The following TOP1 variants were observed in gnomAD, a reference collection of about 807,000 sequenced individuals.
TOP1 encodes DNA topoisomerase I, also known as DNA topoisomerase 1.
A neutral mutation model predicts 111.1 loss-of-function variants in TOP1; 10 were observed. That is an observed-to-expected ratio of 0.09 (90% confidence interval 0.06 to 0.15). The LOEUF is 0.15. TOP1 is among the 10% of genes least tolerant of loss of function. The pLI is 1.00. For missense variants in TOP1, 474 were observed against 926.7 expected, an observed-to-expected ratio of 0.51 and a Z score of 6.34; for synonymous variants, 271 against 302.9, an observed-to-expected ratio of 0.89 and a Z score of 1.10.
At chr20:41,117,242 AC>A (rs2034344318) in intron 17 of TOP1, among the ~76,000 whole-genome samples, 1 of 151,934 alleles carries the variant, frequency 6.6e-6, no homozygotes, top group South Asian at 2.1e-4. Flanking sequence ...CATCCCAGCT[AC>A]CTGGGAGGCT....
intron 8 of TOP1, among the ~76,000 whole-genome samples, chr20:41,090,226 G>A (rs560114620): frequency 9.9e-5 from 15 of 151,902 alleles, no homozygotes; most frequent in South Asian, 4.2e-4. Flanking sequence ...CCCTCCGCCC[G>A]CTTTGGCCTC....
intron 4 of TOP1, 128 bp downstream of exon 4, chr20:41,076,422 T>C: frequency 1.5e-6 from 2 of 1,308,946 alleles, no homozygotes; most frequent in Non-Finnish European, 2.1e-6. Flanking sequence ...CAGGAGAATT[T>C]AGAGCAAACT....
At position 41,123,418 on chromosome 20, in the gene TOP1, A is replaced by G; in HGVS notation, c.*121A>G. 1.6e-6 allele frequency: 1 copy of G among 639,554 alleles called. No homozygotes were observed. 39.6% of individuals were successfully genotyped at this position (639,554 alleles called of 1,614,324 possible). On this transcript the variant is annotated 3_prime_UTR_variant, in exon 21 of 21. Coordinates refer to ENST00000361337, the MANE Select transcript of TOP1 (RefSeq NM_003286.4). The surrounding 1 kb of genome is among the most constrained non-coding windows in gnomAD (Gnocchi z 5.8). ...AGGCAGCAAGTCTTAACAAACCAAC[A>G]TCTTTGCGAAAAGATAAACCTGGAG...
intron 3 of TOP1, among the ~76,000 whole-genome samples, chr20:41,066,664 C>T (rs1311127441): frequency 6.6e-6 from 1 of 150,678 alleles, no homozygotes; most frequent in Non-Finnish European, 1.5e-5. Context: ...ATGCCATTCT[C>T]CTGCCTCAGC....
intron 8 of TOP1, among the ~76,000 whole-genome samples, chr20:41,088,493 ACT>A (rs1568692024): frequency 6.6e-6 from 1 of 152,110 alleles, no homozygotes; most frequent in Non-Finnish European, 1.5e-5. Flanking sequence ...ACAGAGCGAG[ACT>A]CTGTCTCAAA....
intron 8 of TOP1, among the ~76,000 whole-genome samples, chr20:41,089,017 G>GTTTTTTTTTTTTTTT (rs1290740653): frequency 2.2e-4 from 15 of 69,246 alleles, no homozygotes; most frequent in East Asian, 7.7e-4. Context: ...TGTTGCCCCA[G>GTTTTTTTTTTTTTTT]TTCTTTTTTT....
rs1208269363 is a variant in TOP1 at position 41,034,549 on chromosome 20, T to C, written c.58+5094T>C. 6.6e-6 allele frequency among the ~76,000 whole-genome samples: 1 copy of C among 152,178 alleles called. No individual in the cohort carries two copies. Among genetic ancestry groups the C allele is most frequent in the Non-Finnish European group, 1.5e-5 (1 of 68,032 alleles). On this transcript the variant is annotated intron_variant, in intron 2 of 20. Coordinates refer to ENST00000361337, the MANE Select transcript of TOP1 (RefSeq NM_003286.4). The surrounding 1 kb of genome is among the most constrained non-coding windows in gnomAD (Gnocchi z 4.0). ...TGATTGGGGGTTGCGGGGAAGCTTG[T>C]AGAGGAATGTCTGTTAGATATTGAT...
chr20:41,037,032 G>A (rs551683197), intron 2 of TOP1, among the ~76,000 whole-genome samples: 2 of 152,024 alleles, frequency 1.3e-5, no homozygotes, highest in Non-Finnish European at 2.9e-5. Flanking sequence ...GGGTTTCACC[G>A]TGTTAGCCAG....
chr20:41,100,917 A>G lies in TOP1; in HGVS notation c.1164-292A>G. On this transcript the variant is annotated intron_variant, in intron 12 of 20. Transcript: ENST00000361337. The surrounding 1 kb of genome is among the most constrained non-coding windows in gnomAD (Gnocchi z 4.4). ...TGACATATACAGCATGGTATGTTGT[A>G]TATATGGTTCACGCATCCCAGGTGG... 2.6e-6 allele frequency: 1 copy of G among 378,918 alleles called. No individual in the cohort carries two copies. The highest frequency in any genetic ancestry group is 4.9e-6 in the Non-Finnish European group (1 of 202,128). The allele number at this position is 378,918 out of a possible 1,614,324, so 23.5% of individuals were successfully genotyped here.
chr20:41,111,234 A>T (rs761638440), intron 13 of TOP1, among the ~76,000 whole-genome samples: 1 of 152,178 alleles, frequency 6.6e-6, no homozygotes, highest in Non-Finnish European at 1.5e-5. Context: ...TTTTCCGTGC[A>T]TGTGTAAGAA....
At chr20:41,089,628 ATTTG>A (rs1568692709) in intron 8 of TOP1, among the ~76,000 whole-genome samples, 1 of 152,136 alleles carries the variant, frequency 6.6e-6, no homozygotes, top group Non-Finnish European at 1.5e-5. Context: ...GTGTACAAGT[ATTTG>A]TTTGAATATT....
rs568702315 is a variant in TOP1, at chr20:41,092,738, G to A, written c.730+151G>A. On this transcript the variant is annotated intron_variant, in intron 9 of 20. Coordinates refer to ENST00000361337, the MANE Select transcript of TOP1 (RefSeq NM_003286.4). This position sits in a 1 kb window ranked among gnomAD's most constrained non-coding sequence, Gnocchi z 4.3. ...TGCAATTTTGAGGAAGGGGCATCAG[G>A]TGTTAACTCTTAAAGGCTCATTTGC... The A allele has an allele frequency of 2.3e-4, 125 of 539,834 alleles. No individual in the cohort carries two copies. Among genetic ancestry groups the A allele is most frequent in the African/African-American group, 2.2e-3 (116 of 51,972 alleles). 33.4% of individuals were successfully genotyped at this position (539,834 alleles called of 1,614,324 possible).
In TOP1 at chr20:41,084,220, C is replaced by T. The variant is rs564845683; in HGVS notation, c.508-242C>T. Among the ~76,000 whole-genome samples, 9 of 152,204 alleles carry T rather than the reference C, an allele frequency of 5.9e-5. No individual in the cohort carries two copies. In the East Asian group the frequency reaches 1.5e-3, roughly 26 times the overall value. ...AAAAAAAAGTTTCCCAGTCTCTTCC[C>T]CTGCAGAGTGTTTTTTAACTACTTT... is the stretch of plus-strand genomic sequence containing the variant. On this transcript the variant is annotated intron_variant, in intron 7 of 20. Transcript: ENST00000361337.
At chr20:41,074,565 A>C (rs567776085) in intron 3 of TOP1, among the ~76,000 whole-genome samples, 37 of 151,416 alleles carry the variant, frequency 2.4e-4, no homozygotes, top group African/African-American at 8.5e-4. Flanking sequence ...CCCTGGCTAG[A>C]TTTCTTAAAG....
chr20:41,054,180 C>T (rs2033440130), intron 2 of TOP1, among the ~76,000 whole-genome samples: 1 of 152,142 alleles, frequency 6.6e-6, no homozygotes, highest in South Asian at 2.1e-4. Context: ...CATAATCTTC[C>T]TGTGTTGTGG....
Position 41,028,970 on chromosome 20 carries a change from A to T in TOP1, c.-98A>T. 2.8e-6 allele frequency: 3 copies of T among 1,053,906 alleles called. No individual in the cohort carries two copies. In the South Asian group the frequency reaches 4.1e-5, roughly 14 times the overall value. 65.3% of individuals were successfully genotyped at this position (1,053,906 alleles called of 1,614,324 possible). A position where few individuals can be genotyped will look rare whatever the true frequency, so the allele number is the denominator to read the frequency against. On this transcript the variant is annotated 5_prime_UTR_variant, in exon 1 of 21. Transcript: ENST00000361337. ...ACCGCCGCTTACCTGCGCCTCCTCG[A>T]GCCTCCGGAGTCCCCGTCCGCCCGC...
At position 41,112,491 on chromosome 20, in the gene TOP1, A is replaced by G. The variant is rs1222976881; in HGVS notation, c.1309-291A>G. Among the ~76,000 whole-genome samples, 1 of 152,228 alleles carries G rather than the reference A, an allele frequency of 6.6e-6. No homozygotes were observed. The highest frequency in any genetic ancestry group is 2.4e-5 in the African/African-American group (1 of 41,456). ...AGATGGGACAATGTGCATTCTTAAC[A>G]GGTTAAATGTGCCAAACTCTCTCTT... On this transcript the variant is annotated intron_variant, in intron 13 of 20. Coordinates refer to ENST00000361337, the MANE Select transcript of TOP1 (RefSeq NM_003286.4). The surrounding 1 kb of genome is among the most constrained non-coding windows in gnomAD (Gnocchi z 5.8).
At chr20:41,037,669 G>T (rs960447246) in intron 2 of TOP1, among the ~76,000 whole-genome samples, 1 of 152,206 alleles carries the variant, frequency 6.6e-6, no homozygotes, top group African/African-American at 2.4e-5. Context: ...AGAAATTTCA[G>T]TAATGGCTCA....
At chr20:41,057,709 G>A (rs1453534852) in intron 2 of TOP1, among the ~76,000 whole-genome samples, 1 of 152,032 alleles carries the variant, frequency 6.6e-6, no homozygotes, top group Non-Finnish European at 1.5e-5. Flanking sequence ...ATGTATTTAT[G>A]CGTTTGTTGA....
Sources: allele counts gnomAD v4.1 joint callset (sites outside exome capture counted in the v4.1 genomes callset), GRCh38; gene constraint gnomAD v4.1.1; non-coding constraint Gnocchi (gnomAD v3.1); transcripts MANE v1.5; gene names NCBI Gene and HGNC (gene_info 2026-07-23, HGNC 2026-07-21).